HFM1: variants seen among roughly 807,000 people sequenced by gnomAD.
The protein encoded by HFM1 is helicase for meiosis 1, also known as probable ATP-dependent DNA helicase HFM1.
In HFM1, 169 loss-of-function variants were observed where a neutral mutation model predicts 192.1. The observed-to-expected ratio is 0.88, with a 90% CI of 0.78 to 1.00. The LOEUF is 1.00. Among genes scored for constraint, HFM1 ranks in the 50% least tolerant of loss-of-function variants. The pLI is 0.00. For synonymous variants in HFM1, 525 were observed against 537.8 expected (o/e 0.98, Z 0.33); for missense variants, 1,661 against 1,668.0 (o/e 1.00, Z 0.07).
chr1:91,352,715 TA>T, intron 15 of HFM1, 64 bp from the exon 16 acceptor site: 1 of 1,214,572 alleles, frequency 8.2e-7, no homozygotes, highest in Non-Finnish European at 1.1e-6. Flanking sequence ...GAACATTTTT[TA>T]ATAAAAGACA....
At chr1:91,282,026 A>G (rs147387690) in intron 30 of HFM1, among the ~76,000 whole-genome samples, 40 of 152,316 alleles carry the variant, frequency 2.6e-4, no homozygotes, top group African/African-American at 9.1e-4. Context: ...AAATATTGCA[A>G]TTAGCTTTAT....
At chr1:91,350,936 T>G in intron 17 of HFM1, 65 bp from the exon 18 acceptor site, 1 of 1,314,700 alleles carries the variant, frequency 7.6e-7, no homozygotes, top group Non-Finnish European at 1.0e-6. Context: ...CTTTTTAACT[T>G]TAATAATATA....
intron 4 of HFM1, among the ~76,000 whole-genome samples, chr1:91,390,923 C>G (rs1021424241): frequency 1.3e-5 from 2 of 152,176 alleles, no homozygotes; most frequent in Non-Finnish European, 2.9e-5. Flanking sequence ...GATACAAAAT[C>G]AACATGCAAA....
Position 91,277,058 on chromosome 1 carries a change from C to A in HFM1, c.3396G>T (p.Thr1132=), listed in dbSNP as rs777469233. 3 of 1,575,580 alleles carry A rather than the reference C, an allele frequency of 1.9e-6. No homozygotes were observed. Among genetic ancestry groups the A allele is most frequent in the East Asian group, 2.3e-5 (1 of 43,802 alleles). The change falls in exon 31 of 39, where the codon ACG becomes ACT. Residue 1132 remains threonine (T), a synonymous_variant. Coordinates refer to ENST00000370425, the MANE Select transcript of HFM1 (RefSeq NM_001017975.6). The part of the protein sequence containing the change: ...ISTIAGPNKG[T]TASKKPGNRE... ...GGTTCCCAGGTTTTTTGCTGGCAGT[C>A]GTTCCTAAATTAATATAAGAAAAAC...
At chr1:91,338,829 C>G (rs1458676744) in intron 20 of HFM1, 2 of 426,118 alleles carry the variant, frequency 4.7e-6, no homozygotes, top group African/African-American at 2.0e-5. Context: ...CAGACCTCAC[C>G]ATGCTACTAT....
intron 30 of HFM1, among the ~76,000 whole-genome samples, chr1:91,285,993 G>A (rs2100862618): frequency 6.6e-6 from 1 of 152,266 alleles, no homozygotes; most frequent in East Asian, 1.9e-4. Context: ...GTTTTACTTA[G>A]TAATGGCCCC....
chr1:91,323,099 G>A lies in HFM1; in HGVS notation c.2528C>T (p.Thr843Ile). ...NTLNKDPNRITIRFPMEGRIK... is the reference protein window; with the variant it reads ...NTLNKDPNRIIIRFPMEGRIK... ...ACATATGTAATTTCTGTACCTGATAGTTATCCGATTTGGATCTTTGTTCAA... is the reference window on the plus strand; with the variant it reads ...ACATATGTAATTTCTGTACCTGATAATTATCCGATTTGGATCTTTGTTCAA... The change falls in exon 22 of 39, where the codon ACT becomes ATT. Residue 843 changes from threonine (T) to isoleucine (I), a missense_variant. Coordinates refer to ENST00000370425, the MANE Select transcript of HFM1 (RefSeq NM_001017975.6). The A allele has an allele frequency of 6.6e-7, 1 of 1,524,466 alleles. No homozygotes were observed. The highest frequency in any genetic ancestry group is 9.0e-7 in the Non-Finnish European group (1 of 1,109,432). The allele number at this position is 1,524,466 out of a possible 1,614,324, so 94.4% of individuals were successfully genotyped here.
intron 13 of HFM1, among the ~76,000 whole-genome samples, chr1:91,354,504 C>T (rs1296997147): frequency 6.6e-6 from 1 of 152,042 alleles, no homozygotes; most frequent in African/African-American, 2.4e-5. Context: ...AATCACCAAA[C>T]ACGTTCAAAC....
At chr1:91,353,880 T>A (rs1222591290) in intron 13 of HFM1, among the ~76,000 whole-genome samples, 1 of 149,692 alleles carries the variant, frequency 6.7e-6, no homozygotes, top group Non-Finnish European at 1.5e-5. Context: ...AGGTGATTAT[T>A]CCACTAGTTG....
At chr1:91,291,378 C>T (rs964303310) in intron 30 of HFM1, among the ~76,000 whole-genome samples, 238 of 152,096 alleles carry the variant, frequency 1.6e-3, no homozygotes, top group Admixed American at 2.7e-3. Flanking sequence ...ATATCACCAC[C>T]GATCCCACAG....
At chr1:91,352,434 A>T (rs1657066360) in intron 16 of HFM1, 72 bp downstream of exon 16, 2 of 1,144,888 alleles carry the variant, frequency 1.7e-6, no homozygotes, top group Non-Finnish European at 2.5e-6. Context: ...ATGACATGCT[A>T]ATCAAAAAAT....
At chr1:91,338,836 C>T (rs867679425) in intron 20 of HFM1, 74 of 436,898 alleles carry the variant, frequency 1.7e-4, no homozygotes, top group South Asian at 1.2e-3. Context: ...CACCATGCTA[C>T]TATACAGCCA....
intron 1 of HFM1, among the ~76,000 whole-genome samples, chr1:91,402,082 TTC>T (rs1664367904): frequency 6.6e-6 from 1 of 152,188 alleles, no homozygotes; most frequent in Non-Finnish European, 1.5e-5. Context: ...TTTCTGTTTC[TTC>T]TGTTTTAGTT....
intron 4 of HFM1, among the ~76,000 whole-genome samples, chr1:91,390,067 CA>C (rs1662750296): frequency 6.6e-6 from 1 of 152,146 alleles, no homozygotes; most frequent in African/African-American, 2.4e-5. Context: ...GAAAACAACC[CA>C]AACATCCATC....
Position 91,372,965 on chromosome 1 carries a change from A to G in HFM1, c.1685+2393T>C, listed in dbSNP as rs1299402928. ...ATCTTGCTTTGTTGACGTGTATTATAAAAGAACTACTCTACATGCTTCACA... is the reference window on the plus strand; with the variant it reads ...ATCTTGCTTTGTTGACGTGTATTATGAAAGAACTACTCTACATGCTTCACA... On this transcript the variant is annotated intron_variant, in intron 13 of 38. Transcript: ENST00000370425. 2.6e-5 allele frequency among the ~76,000 whole-genome samples: 4 copies of G among 152,122 alleles called. No individual in the cohort carries two copies. The East Asian group carries it at 5.8e-4, about 22-fold the overall frequency.
At chr1:91,345,448 G>A (rs534405331) in intron 19 of HFM1, among the ~76,000 whole-genome samples, 1 of 152,152 alleles carries the variant, frequency 6.6e-6, no homozygotes, top group African/African-American at 2.4e-5. Flanking sequence ...GTGGGCTGTG[G>A]TGAAAGTTTG....
intron 30 of HFM1, among the ~76,000 whole-genome samples, chr1:91,297,867 T>C (rs1175556285): frequency 6.6e-6 from 1 of 151,920 alleles, no homozygotes; most frequent in African/African-American, 2.4e-5. Context: ...AACTGGAAAC[T>C]CTAAAATTCA....
chr1:91,313,500 A>G lies in HFM1; in HGVS notation c.3245-5T>C. On this transcript the variant is annotated splice_polypyrimidine_tract_variant and splice_region_variant and intron_variant, in intron 29 of 38. Transcript: ENST00000370425. Reference sequence around the variant, plus strand: ...TCTGCTGAATATCAAGCCCAACTGGAAAATGAAAAAAAAGTACACAAATGT... The same window carrying G: ...TCTGCTGAATATCAAGCCCAACTGGGAAATGAAAAAAAAGTACACAAATGT... 1.3e-6 allele frequency: 2 copies of G among 1,556,368 alleles called. No homozygotes were observed. The highest frequency in any genetic ancestry group is 1.7e-6 in the Non-Finnish European group (2 of 1,151,938).
In HFM1 at chr1:91,350,724, T is replaced by G; in HGVS notation, c.2206+14A>C. On this transcript the variant is annotated intron_variant, in intron 18 of 38. Transcript: ENST00000370425. ...TTGAAAAAATTACTACTTTTCCAAG[T>G]CAAAGTAACAAACCATAATGAGATG... 1 of 1,609,234 alleles carries G rather than the reference T, an allele frequency of 6.2e-7. No homozygotes were observed. Among genetic ancestry groups the G allele is most frequent in the Non-Finnish European group, 8.5e-7 (1 of 1,177,884 alleles).
Sources: allele counts gnomAD v4.1 joint callset (sites outside exome capture counted in the v4.1 genomes callset), GRCh38; gene constraint gnomAD v4.1.1; transcripts MANE v1.5; gene names NCBI Gene and HGNC (gene_info 2026-07-23, HGNC 2026-07-21).